ZFY: variants seen among roughly 807,000 people sequenced by gnomAD.
The protein encoded by ZFY is zinc finger protein Y-linked, also known as zinc finger Y-chromosomal protein.
For missense variants in ZFY, 113 were observed against 170.9 expected (o/e 0.66, Z 1.89); for synonymous variants, 47 against 55.8 (o/e 0.84, Z 0.71).
At chrY:2,973,395 T>C (rs2051354790) in intron 3 of ZFY, among the ~76,000 whole-genome samples, 1 of 33,310 alleles carries the variant, frequency 3.0e-5, no homozygotes, top group South Asian at 6.5e-4. Flanking sequence ...TTGCCCAGAG[T>C]CTGATTGATA....
intron 5 of ZFY, 23 bp downstream of exon 5, chrY:2,975,677 A>T: frequency 7.9e-6 from 3 of 379,383 alleles, no homozygotes; most frequent in Non-Finnish European, 1.1e-5. Flanking sequence ...TTAAAAAAAA[A>T]TTTTTACTTT....
Position 2,979,187 on chromosome Y carries a change from C to G in ZFY, c.1600C>G (p.Leu534Val). Residue 534 changes from leucine (L) to valine (V), a missense_variant, in exon 8 of 8, where the codon CTC becomes GTC. Transcript: ENST00000155093. ...TAEQGLLNRH[L>V]LAVHSKNFPH... ...TGAACAGGGGTTATTGAATCGCCAC[C>G]TCTTGGCAGTCCACAGCAAGAACTT... The G allele has an allele frequency of 2.5e-6, 1 of 398,961 alleles. No individual in the cohort carries two copies. Among genetic ancestry groups the G allele is most frequent in the Non-Finnish European group, 3.5e-6 (1 of 283,686 alleles).
intron 1 of ZFY, among the ~76,000 whole-genome samples, chrY:2,946,200 T>C: frequency 6.1e-5 from 2 of 32,556 alleles, no homozygotes; most frequent in Non-Finnish European, 1.5e-4. Context: ...TCCAATCACC[T>C]TGGCCTCCCA....
intron 1 of ZFY, among the ~76,000 whole-genome samples, chrY:2,947,481 A>G (rs2051265502): frequency 3.0e-5 from 1 of 33,895 alleles, no homozygotes; most frequent in Non-Finnish European, 7.4e-5. Flanking sequence ...CCGAGCTTAC[A>G]GTTGTGTTTT....
intron 1 of ZFY, among the ~76,000 whole-genome samples, chrY:2,948,208 A>G: frequency 2.9e-5 from 1 of 34,217 alleles, no homozygotes; most frequent in South Asian, 6.3e-4. Flanking sequence ...GTTTGACACC[A>G]TAAATGAAAG....
intron 3 of ZFY, among the ~76,000 whole-genome samples, chrY:2,967,293 G>A (rs2051331125): frequency 3.0e-5 from 1 of 33,179 alleles, no homozygotes; most frequent in Non-Finnish European, 7.4e-5. Context: ...TTGTTGCCTA[G>A]TGTTCGTGGA....
At chrY:2,945,926 A>G in intron 1 of ZFY, among the ~76,000 whole-genome samples, 1 of 33,818 alleles carries the variant, frequency 3.0e-5, no homozygotes, top group Non-Finnish European at 7.3e-5. Flanking sequence ...ACATTAAGAC[A>G]TGATGTATTT....
intron 3 of ZFY, among the ~76,000 whole-genome samples, chrY:2,967,121 T>C (rs2051330695): frequency 8.9e-5 from 3 of 33,625 alleles, no homozygotes; most frequent in Non-Finnish European, 2.2e-4. Flanking sequence ...GTTGAATTGA[T>C]AAAATGTGGT....
intron 2 of ZFY, among the ~76,000 whole-genome samples, chrY:2,958,054 C>G: frequency 3.0e-5 from 1 of 33,592 alleles, no homozygotes; most frequent in East Asian, 7.7e-4. Context: ...AAGGCTAATT[C>G]GATCTCTCTC....
chrY:2,965,893 G>A, intron 3 of ZFY, among the ~76,000 whole-genome samples: 1 of 34,042 alleles, frequency 2.9e-5, no homozygotes, highest in Non-Finnish European at 7.3e-5. Flanking sequence ...AGCTGAATAT[G>A]TATTTTATGT....
At chrY:2,967,633 C>T in intron 3 of ZFY, among the ~76,000 whole-genome samples, 1 of 27,887 alleles carries the variant, frequency 3.6e-5, no homozygotes, top group East Asian at 8.8e-4. Context: ...GGCTCAATCT[C>T]GGCTCGCTGT....
chrY:2,975,196 G>A lies in ZFY; in HGVS notation c.736G>A (p.Val246Ile). ...TAAAGTGGATAGCACTTGTCCTGAA[G>A]TCATCAAGGTGTACATTTTTAAAGC... ...PCKVDSTCPEVIKVYIFKADP... is the reference protein window; with the variant it reads ...PCKVDSTCPEIIKVYIFKADP... The change falls in exon 4 of 8, where the codon GTC becomes ATC. Residue 246 changes from valine to isoleucine, a missense_variant. Physicochemically the swap from Val to Ile is conservative, Grantham distance 29 (BLOSUM62 3). Transcript: ENST00000155093. The A allele has an allele frequency of 2.5e-6, 1 of 398,064 alleles. No homozygotes were observed. Among genetic ancestry groups the A allele is most frequent in the African/African-American group, 6.2e-5 (1 of 16,240 alleles).
At chrY:2,974,877 G>A (rs2051361057) in intron 3 of ZFY, among the ~76,000 whole-genome samples, 1 of 33,848 alleles carries the variant, frequency 3.0e-5, no homozygotes, top group Admixed American at 2.7e-4. Flanking sequence ...TTTGAGTTCT[G>A]GAGGTCAAAG....
intron 1 of ZFY, among the ~76,000 whole-genome samples, chrY:2,943,375 T>C (rs367996979): frequency 5.8e-5 from 2 of 34,569 alleles, no homozygotes; most frequent in East Asian, 1.5e-3. Context: ...CAATGTCCGC[T>C]TCCTGGATTC....
chrY:2,944,948 T>C, intron 1 of ZFY, among the ~76,000 whole-genome samples: 1 of 30,676 alleles, frequency 3.3e-5, no homozygotes, highest in Admixed American at 3.0e-4. Flanking sequence ...GGTTTCTCCA[T>C]GTAGGTCATG....
chrY:2,979,752 A>G lies in ZFY; in HGVS notation c.2165A>G (p.Lys722Arg). ...CCATTTAGGTGTAAGAGATGTAGAA[A>G]GGGATTTAGGCAACAAAATGAGCTT... ...DLPFRCKRCRKGFRQQNELKK... is the reference protein window; with the variant it reads ...DLPFRCKRCRRGFRQQNELKK... Residue 722 changes from lysine to arginine, a missense_variant, in exon 8 of 8, where the codon AAG (lysine) becomes AGG (arginine). Transcript: ENST00000155093. 1 of 399,372 alleles carries G rather than the reference A, an allele frequency of 2.5e-6. No homozygotes were observed. Among genetic ancestry groups the G allele is most frequent in the Non-Finnish European group, 3.5e-6 (1 of 283,764 alleles).
rs769406147 is a variant in ZFY, at chrY:2,975,240, C to T, written c.780C>T (p.Asp260=). 2.5e-6 allele frequency: 1 copy of T among 395,200 alleles called. No homozygotes were observed. The highest frequency in any genetic ancestry group is 3.1e-5 in the South Asian group (1 of 32,724). The change falls in exon 4 of 8, where the codon GAC becomes GAT. Residue 260 remains aspartate (D), a synonymous_variant. Coordinates refer to ENST00000155093, the MANE Select transcript of ZFY (RefSeq NM_003411.4). ...YIFKADPGED[D]LGGTVDIVES... Reference sequence around the variant, plus strand: ...TTAAAGCTGACCCTGGAGAAGATGACTTAGGTAAGAGGAAGCTGTCAGCAT... The same window carrying T: ...TTAAAGCTGACCCTGGAGAAGATGATTTAGGTAAGAGGAAGCTGTCAGCAT...
intron 2 of ZFY, among the ~76,000 whole-genome samples, chrY:2,954,565 G>A: frequency 3.3e-5 from 1 of 30,446 alleles, no homozygotes; most frequent in African/African-American, 1.3e-4. Context: ...TGAGCATGGT[G>A]GTGCATATCT....
At chrY:2,947,231 T>G (rs929400981) in intron 1 of ZFY, among the ~76,000 whole-genome samples, 19 of 34,205 alleles carry the variant, frequency 5.6e-4, no homozygotes, top group African/African-American at 2.2e-3. Flanking sequence ...TGAATTTGTT[T>G]CATCTTTCAA....
Sources: allele counts gnomAD v4.1 joint callset (sites outside exome capture counted in the v4.1 genomes callset), GRCh38; gene constraint gnomAD v4.1.1; transcripts MANE v1.5; gene names NCBI Gene and HGNC (gene_info 2026-07-23, HGNC 2026-07-21).